The following LSAMP variants were observed in gnomAD, a reference collection of about 807,000 sequenced individuals.
The protein encoded by LSAMP is limbic system-associated membrane protein.
LSAMP carries 7 observed loss-of-function variants against 38.6 expected under a neutral mutation model. That is an observed-to-expected ratio of 0.18 (90% CI 0.10 to 0.34). The LOEUF is 0.34. Ranked by LOEUF, LSAMP falls within the 10% of genes least tolerant of loss-of-function variation. The pLI, the probability that LSAMP is intolerant of heterozygous loss-of-function variation, is 1.00. For missense variants in LSAMP, 313 were observed against 420.0 expected (o/e 0.75, Z 2.23); for synonymous variants, 154 against 166.8 (o/e 0.92, Z 0.59).
At chr3:116,271,350 C>A (rs2046970055) in intron 1 of LSAMP, among the ~76,000 whole-genome samples, 1 of 152,030 alleles carries the variant, frequency 6.6e-6, no homozygotes, top group Non-Finnish European at 1.5e-5. Flanking sequence ...TACAACTTGG[C>A]ACACTATCCC....
intron 1 of LSAMP, among the ~76,000 whole-genome samples, chr3:116,428,210 CT>C (rs2049230805): frequency 6.6e-6 from 1 of 152,056 alleles, no homozygotes; most frequent in African/African-American, 2.4e-5. Flanking sequence ...TTAAGAAGAT[CT>C]TTTTTTGAGA....
At chr3:116,075,976 T>G (rs1707733028) in intron 2 of LSAMP, among the ~76,000 whole-genome samples, 1 of 152,118 alleles carries the variant, frequency 6.6e-6, no homozygotes, top group Non-Finnish European at 1.5e-5. Context: ...TTCTAGTCTT[T>G]TTCTTTACTT....
chr3:115,842,558 A>T lies in LSAMP; in HGVS notation c.670T>A (p.Ser224Thr). The T allele has an allele frequency of 6.2e-7, 1 of 1,613,558 alleles. No homozygotes were observed. The highest frequency in any genetic ancestry group is 8.5e-7 in the Non-Finnish European group (1 of 1,179,684). Reference sequence around the variant, plus strand: ...CCTGTGGTGGCTTCATTGCTCTTGGATTCTGTGATAGTGGGAGGATCTGTA... The same window carrying T: ...CCTGTGGTGGCTTCATTGCTCTTGGTTTCTGTGATAGTGGGAGGATCTGTA... Reference protein sequence around the residue: ...TVNYPPTITESKSNEATTGRQ... With the variant: ...TVNYPPTITETKSNEATTGRQ... Residue 224 changes from serine to threonine, a missense_variant, in exon 5 of 7, where the codon TCC (serine) becomes ACC (threonine). Ser to Thr is a moderately conservative substitution (Grantham distance 58, BLOSUM62 1). Transcript: ENST00000490035.
chr3:116,435,249 G>C (rs911407146), intron 1 of LSAMP, among the ~76,000 whole-genome samples: 6 of 152,104 alleles, frequency 3.9e-5, no homozygotes, highest in South Asian at 2.1e-4. Flanking sequence ...TCCTTAACTA[G>C]GTTACCCATC....
intron 3 of LSAMP, among the ~76,000 whole-genome samples, chr3:115,983,711 C>T (rs1429261475): frequency 6.6e-6 from 1 of 152,000 alleles, no homozygotes; most frequent in Non-Finnish European, 1.5e-5. Flanking sequence ...AAGAGCCATA[C>T]AGAGGGGAGG....
chr3:115,993,293 AAC>A (rs1482518300), intron 3 of LSAMP, among the ~76,000 whole-genome samples: 1 of 152,032 alleles, frequency 6.6e-6, no homozygotes, highest in Non-Finnish European at 1.5e-5. Context: ...ACATCCTCAT[AAC>A]AGTCTTTAAA....
At chr3:116,227,295 C>G (rs1360481218) in intron 1 of LSAMP, among the ~76,000 whole-genome samples, 1 of 152,128 alleles carries the variant, frequency 6.6e-6, no homozygotes, top group Non-Finnish European at 1.5e-5. Flanking sequence ...CTTATCTGAC[C>G]ATTTAATCTC....
chr3:115,819,973 A>G (rs1385553900), intron 6 of LSAMP, among the ~76,000 whole-genome samples: 1 of 152,086 alleles, frequency 6.6e-6, no homozygotes, highest in Non-Finnish European at 1.5e-5. Context: ...CGTGCTGTGC[A>G]GATGAATCAC....
At chr3:116,245,695 G>A (rs756631989) in intron 1 of LSAMP, among the ~76,000 whole-genome samples, 1 of 152,114 alleles carries the variant, frequency 6.6e-6, no homozygotes, top group Non-Finnish European at 1.5e-5. Context: ...GTATGAAAAA[G>A]TAAGTTAGTT....
intron 1 of LSAMP, among the ~76,000 whole-genome samples, chr3:116,206,212 T>C (rs1290155228): frequency 6.7e-6 from 1 of 149,130 alleles, no homozygotes; most frequent in Non-Finnish European, 1.5e-5. Context: ...TAGTATTCTC[T>C]GATGGTAGTT....
chr3:116,348,384 G>A (rs138400550), intron 1 of LSAMP, among the ~76,000 whole-genome samples: 185 of 152,120 alleles, frequency 1.2e-3, no homozygotes, highest in African/African-American at 3.8e-3. Flanking sequence ...AGTGTATTTG[G>A]CATTCTGATT....
chr3:116,123,807 G>A (rs898707220), intron 1 of LSAMP, among the ~76,000 whole-genome samples: 4 of 152,134 alleles, frequency 2.6e-5, no homozygotes, highest in African/African-American at 9.7e-5. Flanking sequence ...GATGCTGTAC[G>A]ATGTCCCATA....
chr3:116,299,332 T>G (rs1346983338), intron 1 of LSAMP, among the ~76,000 whole-genome samples: 1 of 152,246 alleles, frequency 6.6e-6, no homozygotes, highest in Admixed American at 6.5e-5. Flanking sequence ...GGAAACAGGA[T>G]TGATGGAGAG....
intron 1 of LSAMP, among the ~76,000 whole-genome samples, chr3:116,416,187 C>T (rs765565568): frequency 8.5e-5 from 13 of 152,158 alleles, no homozygotes; most frequent in Admixed American, 6.5e-5. Flanking sequence ...ACAACAAGCA[C>T]TAATTGAGCA....
At chr3:116,370,425 C>T (rs554713322) in intron 1 of LSAMP, among the ~76,000 whole-genome samples, 1 of 152,268 alleles carries the variant, frequency 6.6e-6, no homozygotes, top group South Asian at 2.1e-4. Flanking sequence ...TTTTGGAACT[C>T]TAGAGTGTAC....
intron 6 of LSAMP, 45 bp downstream of exon 6, chr3:115,841,800 G>C: frequency 1.3e-6 from 2 of 1,547,144 alleles, no homozygotes; most frequent in Non-Finnish European, 1.7e-6. Context: ...CATGTGAAAA[G>C]TCAATTTAAT....
Position 116,108,067 on chromosome 3 carries a change from A to G in LSAMP, c.156-21511T>C, listed in dbSNP as rs531756346. Among the ~76,000 whole-genome samples, 560 of 152,058 alleles carry G rather than the reference A, an allele frequency of 3.7e-3. 4 individuals are homozygous for G. The highest frequency in any genetic ancestry group is 0.011 in the African/African-American group (469 of 41,394). Reference sequence around the variant, plus strand: ...GCATGCTGTGGGATGGGATATTGGCATTGAGCGGGGTAAGGGTGATTAGGT... The same window carrying G: ...GCATGCTGTGGGATGGGATATTGGCGTTGAGCGGGGTAAGGGTGATTAGGT... On this transcript the variant is annotated intron_variant, in intron 1 of 6. Coordinates refer to ENST00000490035, the MANE Select transcript of LSAMP (RefSeq NM_002338.5).
intron 1 of LSAMP, among the ~76,000 whole-genome samples, chr3:116,190,025 A>T (rs1407822737): frequency 2.0e-5 from 3 of 152,040 alleles, no homozygotes; most frequent in African/African-American, 4.8e-5. Context: ...AATGTAAAAA[A>T]TAAGTTTTTT....
chr3:116,168,430 ATGATTGCCAAGTTGTCCTT>A (rs1710113981), intron 1 of LSAMP, among the ~76,000 whole-genome samples: 1 of 152,218 alleles, frequency 6.6e-6, no homozygotes, highest in Non-Finnish European at 1.5e-5. Flanking sequence ...ACCCCTTGTC[ATGATTGCCAAGTTGTCCTT>A]TGATAGAAAT....
Sources: allele counts gnomAD v4.1 joint callset (sites outside exome capture counted in the v4.1 genomes callset), GRCh38; gene constraint gnomAD v4.1.1; transcripts MANE v1.5; gene names NCBI Gene and HGNC (gene_info 2026-07-23, HGNC 2026-07-21).